The following SPIRE1 variants were observed in gnomAD, a reference collection of about 807,000 sequenced individuals.
SPIRE1 encodes the protein protein spire homolog 1.
Under a neutral mutation model 94.1 loss-of-function variants are expected in SPIRE1, and 40 were observed. The ratio of observed to expected loss-of-function variants is 0.43; its 90% CI spans 0.33 to 0.55. The LOEUF (loss-of-function observed/expected upper bound fraction) is 0.55, where lower values mean the gene tolerates loss of function less well. Among genes scored for constraint, SPIRE1 ranks in the 20% least tolerant of loss-of-function variants. The pLI, the probability that SPIRE1 is intolerant of heterozygous loss-of-function variation, is 0.06. For missense variants in SPIRE1, 838 were observed against 975.2 expected (o/e 0.86, Z 1.87); for synonymous variants, 376 against 371.7 (o/e 1.01, Z -0.13).
chr18:12,637,165 C>T (rs2037953368), intron 1 of SPIRE1, among the ~76,000 whole-genome samples: 1 of 152,080 alleles, frequency 6.6e-6, no homozygotes, highest in Non-Finnish European at 1.5e-5. Flanking sequence ...TGAGACTATC[C>T]TGGCTAACAT....
intron 1 of SPIRE1, among the ~76,000 whole-genome samples, chr18:12,636,501 T>C (rs2037932868): frequency 6.9e-6 from 1 of 144,114 alleles, no homozygotes; most frequent in African/African-American, 2.5e-5. Context: ...AATTTCTTAT[T>C]TGAAATGAGT....
intron 2 of SPIRE1, among the ~76,000 whole-genome samples, chr18:12,606,565 C>G (rs2144663932): frequency 6.8e-6 from 1 of 147,772 alleles, no homozygotes; most frequent in South Asian, 2.1e-4. Flanking sequence ...GGGTCTTACT[C>G]TGTCGCCCAG....
intron 4 of SPIRE1, among the ~76,000 whole-genome samples, chr18:12,524,078 G>C (rs2034435755): frequency 6.6e-6 from 1 of 152,110 alleles, no homozygotes; most frequent in South Asian, 2.1e-4. Flanking sequence ...TTTCATTGCA[G>C]TGGTTTGGAA....
At chr18:12,551,659 G>A (rs527512976) in intron 2 of SPIRE1, among the ~76,000 whole-genome samples, 3 of 151,572 alleles carry the variant, frequency 2.0e-5, no homozygotes. Context: ...CCAACATCAC[G>A]CCACTGCACT....
intron 3 of SPIRE1, among the ~76,000 whole-genome samples, chr18:12,543,342 C>A (rs535065843): frequency 1.3e-5 from 2 of 152,154 alleles, no homozygotes; most frequent in African/African-American, 2.4e-5. Context: ...TTGAGTGCAA[C>A]GGCACCATTA....
intron 4 of SPIRE1, 134 bp from the exon 5 acceptor site, chr18:12,512,665 A>C: frequency 1.6e-6 from 1 of 617,836 alleles, no homozygotes; most frequent in South Asian, 2.1e-5. Context: ...ATTGCTCCGT[A>C]AACTCTAGGG....
chr18:12,601,999 G>A (rs934616764), intron 2 of SPIRE1, among the ~76,000 whole-genome samples: 1 of 152,106 alleles, frequency 6.6e-6, no homozygotes, highest in African/African-American at 2.4e-5. Flanking sequence ...CAAAGACGTG[G>A]GTGACTAGTT....
At chr18:12,511,604 G>A (rs2034037665) in intron 5 of SPIRE1, among the ~76,000 whole-genome samples, 2 of 152,188 alleles carry the variant, frequency 1.3e-5, no homozygotes, top group African/African-American at 2.4e-5. Context: ...CAGAGACATT[G>A]GGGGTGGTTT....
intron 3 of SPIRE1, among the ~76,000 whole-genome samples, chr18:12,541,164 G>T (rs1044299023): frequency 2.6e-5 from 4 of 152,130 alleles, no homozygotes; most frequent in Non-Finnish European, 5.9e-5. Context: ...AAATCTTTTT[G>T]TTATTCATAT....
intron 2 of SPIRE1, among the ~76,000 whole-genome samples, chr18:12,581,162 G>A (rs1176471775): frequency 1.3e-5 from 2 of 152,040 alleles, no homozygotes; most frequent in African/African-American, 2.4e-5. Flanking sequence ...AGGTGAGACC[G>A]GCAATCCCCA....
At chr18:12,565,260 G>A (rs1269342365) in intron 2 of SPIRE1, among the ~76,000 whole-genome samples, 2 of 152,150 alleles carry the variant, frequency 1.3e-5, no homozygotes, top group Non-Finnish European at 2.9e-5. Context: ...ATGCAAGCAA[G>A]AAGAAAATGG....
At chr18:12,584,209 C>T (rs1490935145) in intron 2 of SPIRE1, among the ~76,000 whole-genome samples, 1 of 152,056 alleles carries the variant, frequency 6.6e-6, no homozygotes, top group Non-Finnish European at 1.5e-5. Flanking sequence ...GCAGACAGAT[C>T]ATTTGAGTTC....
At chr18:12,619,193 G>C (rs1887726508) in intron 2 of SPIRE1, among the ~76,000 whole-genome samples, 1 of 152,154 alleles carries the variant, frequency 6.6e-6, no homozygotes, top group South Asian at 2.1e-4. Flanking sequence ...ACCACACCCA[G>C]TCCACAAAAA....
chr18:12,512,638 G>A lies in SPIRE1; in HGVS notation c.730-107C>T, dbSNP rs2034072203. 6 of 700,866 alleles carry A rather than the reference G, an allele frequency of 8.6e-6. No homozygotes were observed. The Admixed American group carries it at 1.0e-4, about 12-fold the overall frequency. 43.4% of individuals were successfully genotyped at this position (700,866 alleles called of 1,614,324 possible). A position where few individuals can be genotyped will look rare whatever the true frequency, so the allele number is the denominator to read the frequency against. On this transcript the variant is annotated intron_variant, in intron 4 of 16. Transcript: ENST00000409402. ...GACATATATTCAAGTACCAGTGAAG[G>A]AGATGGTACAGAATCTATTGCTCCG... is the stretch of plus-strand genomic sequence containing the variant.
chr18:12,626,867 A>AATATATATATATATATATATAT (rs1555634098), intron 2 of SPIRE1, among the ~76,000 whole-genome samples: 15 of 110,448 alleles, frequency 1.4e-4, no homozygotes, highest in Admixed American at 3.1e-4. Flanking sequence ...TAAGCTGTAA[A>AATATATATATATATATATATAT]ATATATATAT....
chr18:12,463,836 C>T (rs1341979299), intron 11 of SPIRE1, among the ~76,000 whole-genome samples: 1 of 152,158 alleles, frequency 6.6e-6, no homozygotes, highest in Non-Finnish European at 1.5e-5. Flanking sequence ...TTTACCAAGA[C>T]ATTTTGTCCT....
chr18:12,566,272 G>A (rs1159025553), intron 2 of SPIRE1, among the ~76,000 whole-genome samples: 1 of 152,126 alleles, frequency 6.6e-6, no homozygotes, highest in African/African-American at 2.4e-5. Flanking sequence ...GGAGGTGGAG[G>A]TTGCGGTAAG....
intron 2 of SPIRE1, among the ~76,000 whole-genome samples, chr18:12,551,674 T>TG: frequency 6.6e-6 from 1 of 150,446 alleles, no homozygotes; most frequent in Admixed American, 6.6e-5. Flanking sequence ...TGCACTCCAG[T>TG]CTGGGTGACA....
chr18:12,528,343 A>G (rs1054242724), intron 4 of SPIRE1, among the ~76,000 whole-genome samples: 66 of 152,236 alleles, frequency 4.3e-4, no homozygotes, highest in Non-Finnish European at 2.2e-4. Context: ...TGACAGAAAG[A>G]TGCCAGAGTG....
Sources: gnomAD v4.1 joint callset for allele counts (sites outside exome capture counted in the v4.1 genomes callset) on GRCh38, gnomAD v4.1.1 for gene constraint, MANE v1.5 for transcripts, NCBI Gene and HGNC (gene_info 2026-07-23, HGNC 2026-07-21) for gene names.